Variants in RAD51B observed in about 807,000 individuals in gnomAD.
RAD51B encodes the protein RAD51 paralog B.
In RAD51B, 38 loss-of-function variants were observed where a neutral mutation model predicts 42.2. That is an observed-to-expected ratio of 0.90 (90% CI 0.70 to 1.18). The LOEUF (loss-of-function observed/expected upper bound fraction) is 1.18. Ranked by LOEUF, RAD51B falls within the 50% of genes most tolerant of loss-of-function variation. The pLI, the probability that RAD51B is intolerant of heterozygous loss-of-function variation, is 0.00. For synonymous variants in RAD51B, 154 were observed against 145.2 expected, an observed-to-expected ratio of 1.06 and a Z score of -0.43; for missense variants, 373 against 400.7, an observed-to-expected ratio of 0.93 and a Z score of 0.59.
intron 10 of RAD51B, among the ~76,000 whole-genome samples, chr14:68,610,039 C>T (rs968246741): frequency 2.0e-5 from 3 of 152,086 alleles, no homozygotes; most frequent in African/African-American, 4.8e-5. Context: ...CATGAGCCCC[C>T]GATTTCCAGC....
chr14:68,530,392 A>G (rs1253511386), intron 10 of RAD51B, among the ~76,000 whole-genome samples: 1 of 139,508 alleles, frequency 7.2e-6, no homozygotes, highest in Non-Finnish European at 1.5e-5. Flanking sequence ...GGCTACAGTG[A>G]GCCATGATTG....
At chr14:67,924,973 C>A (rs2044454461) in intron 7 of RAD51B, among the ~76,000 whole-genome samples, 2 of 152,222 alleles carry the variant, frequency 1.3e-5, no homozygotes, top group Admixed American at 1.3e-4. Flanking sequence ...GGGATACAGG[C>A]ATTGGGTAAA....
At chr14:68,020,820 A>G (rs1171989920) in intron 7 of RAD51B, among the ~76,000 whole-genome samples, 1 of 152,210 alleles carries the variant, frequency 6.6e-6, no homozygotes, top group Non-Finnish European at 1.5e-5. Context: ...AACTCAACAT[A>G]TTATTTTCTA....
intron 7 of RAD51B, among the ~76,000 whole-genome samples, chr14:68,056,473 G>T (rs2076477161): frequency 6.6e-6 from 1 of 151,994 alleles, no homozygotes; most frequent in Non-Finnish European, 1.5e-5. Flanking sequence ...GTGGGGCTAG[G>T]TGCAGTGGCT....
chr14:68,149,325 A>G (rs1170450719), intron 7 of RAD51B, among the ~76,000 whole-genome samples: 1 of 152,074 alleles, frequency 6.6e-6, no homozygotes, highest in Non-Finnish European at 1.5e-5. Flanking sequence ...GAATTTTTAT[A>G]GTTTGCATTG....
rs138755764 is a variant in RAD51B at position 68,433,630 on chromosome 14, T to C, written c.957+22103T>C. On this transcript the variant is annotated intron_variant, in intron 9 of 10. Coordinates refer to ENST00000471583, the MANE Select transcript of RAD51B (RefSeq NM_133510.4). Reference sequence around the variant, plus strand: ...TTTAAGGACTTCTCTACACTGGTTATTCTAGTTAGCCATTCGTCTAATCTT... The same window carrying C: ...TTTAAGGACTTCTCTACACTGGTTACTCTAGTTAGCCATTCGTCTAATCTT... 2.2e-3 allele frequency among the ~76,000 whole-genome samples: 337 copies of C among 152,310 alleles called. 6 individuals carry two copies. Among genetic ancestry groups the C allele is most frequent in the Non-Finnish European group, 1.0e-3 (69 of 68,012 alleles).
chr14:67,939,401 A>G (rs2045079670), intron 7 of RAD51B, among the ~76,000 whole-genome samples: 1 of 152,220 alleles, frequency 6.6e-6, no homozygotes, highest in Admixed American at 6.5e-5. Context: ...GTATATAGAA[A>G]ATTGACAGTA....
chr14:68,485,574 C>G (rs936955265), intron 10 of RAD51B, among the ~76,000 whole-genome samples: 3 of 152,168 alleles, frequency 2.0e-5, no homozygotes, highest in African/African-American at 7.2e-5. Context: ...AGAGGAGCTT[C>G]CATTGAGGAA....
intron 11 of RAD51B, among the ~76,000 whole-genome samples, chr14:68,668,906 A>G (rs1371872154): frequency 1.3e-5 from 2 of 152,264 alleles, no homozygotes; most frequent in Non-Finnish European, 2.9e-5. Context: ...TAATTGAACC[A>G]AGATGGGTTT....
At chr14:67,995,427 C>T (rs963943206) in intron 7 of RAD51B, among the ~76,000 whole-genome samples, 2 of 150,974 alleles carry the variant, frequency 1.3e-5, no homozygotes, top group Non-Finnish European at 3.0e-5. Context: ...AAAAAGAACA[C>T]ACTCACAATA....
intron 8 of RAD51B, among the ~76,000 whole-genome samples, chr14:68,317,913 A>G (rs2082091532): frequency 6.6e-6 from 1 of 152,226 alleles, no homozygotes; most frequent in Non-Finnish European, 1.5e-5. Context: ...ATCACATAGT[A>G]TAGCTATTTC....
At position 68,339,621 on chromosome 14, in the gene RAD51B, A is replaced by G. The variant is rs184577456; in HGVS notation, c.853+47641A>G. 795 of 230,446 alleles carry G rather than the reference A, an allele frequency of 3.4e-3. 3 individuals are homozygous for G. Among genetic ancestry groups the G allele is most frequent in the Non-Finnish European group, 5.0e-3 (604 of 119,764 alleles). 14.3% of individuals were successfully genotyped at this position (230,446 alleles called of 1,614,324 possible). Reference sequence around the variant, plus strand: ...GTTTCTAATTTCAGTTTTATTGATGATATTTTCGCCTTTAAAGAAGGTGAA... The same window carrying G: ...GTTTCTAATTTCAGTTTTATTGATGGTATTTTCGCCTTTAAAGAAGGTGAA... On this transcript the variant is annotated intron_variant, in intron 8 of 10. Transcript: ENST00000471583.
intron 7 of RAD51B, among the ~76,000 whole-genome samples, chr14:68,233,266 T>C (rs1263484533): frequency 6.6e-6 from 1 of 152,154 alleles, no homozygotes; most frequent in Non-Finnish European, 1.5e-5. Context: ...TGCTTATTAT[T>C]AGTTAAGCAT....
chr14:68,660,347 C>G (rs1892907350), intron 11 of RAD51B, among the ~76,000 whole-genome samples: 1 of 152,184 alleles, frequency 6.6e-6, no homozygotes, highest in African/African-American at 2.4e-5. Context: ...GCAAAATATG[C>G]TGGTTGAATG....
intron 10 of RAD51B, among the ~76,000 whole-genome samples, chr14:68,489,141 T>A (rs1883878397): frequency 1.3e-5 from 2 of 151,788 alleles, no homozygotes; most frequent in Admixed American, 1.3e-4. Flanking sequence ...TTTTATTAAA[T>A]TTTTCTTTAA....
chr14:68,585,386 T>C (rs550733559), intron 10 of RAD51B, among the ~76,000 whole-genome samples: 1 of 152,314 alleles, frequency 6.6e-6, no homozygotes, highest in East Asian at 1.9e-4. Flanking sequence ...ATTGTGGAAG[T>C]GCAGAGAGGT....
intron 8 of RAD51B, among the ~76,000 whole-genome samples, chr14:68,367,321 A>G (rs1339956982): frequency 1.3e-5 from 2 of 152,210 alleles, no homozygotes; most frequent in African/African-American, 4.8e-5. Flanking sequence ...ACTAAATTAC[A>G]TGTATCATTG....
At chr14:68,463,425 T>A (rs1456951923) in intron 9 of RAD51B, among the ~76,000 whole-genome samples, 2 of 152,174 alleles carry the variant, frequency 1.3e-5, no homozygotes, top group East Asian at 1.9e-4. Flanking sequence ...TACTAGCATA[T>A]AATATTACAG....
intron 7 of RAD51B, among the ~76,000 whole-genome samples, chr14:68,195,249 A>T (rs1260223799): frequency 1.3e-5 from 2 of 152,188 alleles, no homozygotes; most frequent in Non-Finnish European, 2.9e-5. Flanking sequence ...TTTCAAGTTA[A>T]TGGGTGCTGG....
Sources: allele counts gnomAD v4.1 joint callset (sites outside exome capture counted in the v4.1 genomes callset), GRCh38; gene constraint gnomAD v4.1.1; transcripts MANE v1.5; gene names NCBI Gene and HGNC (gene_info 2026-07-23, HGNC 2026-07-21).